Variants in KIAA0513 observed in about 807,000 individuals in gnomAD.
KIAA0513 encodes the protein uncharacterized protein KIAA0513.
Under a neutral mutation model 56.5 loss-of-function variants are expected in KIAA0513, and 39 were observed. The ratio of observed to expected loss-of-function variants is 0.69; its 90% CI spans 0.53 to 0.90. The LOEUF (loss-of-function observed/expected upper bound fraction) is 0.90, where lower values mean the gene tolerates loss of function less well. KIAA0513 is among the 40% of genes least tolerant of loss of function. The pLI, the probability that KIAA0513 is intolerant of heterozygous loss-of-function variation, is 0.00. For synonymous variants in KIAA0513, 268 were observed against 215.6 expected, an observed-to-expected ratio of 1.24 and a Z score of -2.13; for missense variants, 591 against 535.2, an observed-to-expected ratio of 1.10 and a Z score of -1.03.
At chr16:85,087,869 C>T (rs6564100) in intron 12 of KIAA0513, among the ~76,000 whole-genome samples, 4 of 152,126 alleles carry the variant, frequency 2.6e-5, no homozygotes, top group Non-Finnish European at 5.9e-5. Flanking sequence ...GAATGTTGCT[C>T]GCAGCCCCAC....
chr16:85,075,440 G>C (rs576400301), intron 4 of KIAA0513, among the ~76,000 whole-genome samples: 17 of 152,300 alleles, frequency 1.1e-4, no homozygotes, highest in East Asian at 5.8e-4. Flanking sequence ...TGAGAGCCAG[G>C]GATGCGGGGA....
intron 1 of KIAA0513, among the ~76,000 whole-genome samples, chr16:85,029,890 T>C (rs1309584261): frequency 6.6e-6 from 1 of 152,234 alleles, no homozygotes; most frequent in East Asian, 1.9e-4. Flanking sequence ...ATCGTTCCCA[T>C]GTCATAGATG....
intron 3 of KIAA0513, among the ~76,000 whole-genome samples, chr16:85,072,565 G>A (rs1011813826): frequency 3.3e-5 from 5 of 151,922 alleles, no homozygotes; most frequent in African/African-American, 7.3e-5. Context: ...GTTAGAAAAT[G>A]CAGATGAGCA....
chr16:85,074,597 G>C (rs373211549), intron 4 of KIAA0513, among the ~76,000 whole-genome samples: 1 of 152,096 alleles, frequency 6.6e-6, no homozygotes, highest in African/African-American at 2.4e-5. Flanking sequence ...TATTTTTCCT[G>C]CTCTTGCTCA....
intron 1 of KIAA0513, among the ~76,000 whole-genome samples, chr16:85,053,360 G>T (rs921747412): frequency 6.6e-6 from 1 of 152,212 alleles, no homozygotes; most frequent in East Asian, 1.9e-4. Flanking sequence ...GCTGCAGCCT[G>T]CCAAAATCCT....
intron 2 of KIAA0513, among the ~76,000 whole-genome samples, chr16:85,069,094 A>G (rs922772504): frequency 1.3e-5 from 2 of 152,016 alleles, no homozygotes; most frequent in African/African-American, 4.8e-5. Context: ...GCAGCGACAC[A>G]ATCACAGCTC....
intron 1 of KIAA0513, among the ~76,000 whole-genome samples, chr16:85,058,977 A>T (rs1362390833): frequency 6.6e-6 from 1 of 152,210 alleles, no homozygotes; most frequent in African/African-American, 2.4e-5. Context: ...ACCGTCTCGT[A>T]GTTGCTCTAG....
At chr16:85,029,984 G>A (rs1246203824) in intron 1 of KIAA0513, among the ~76,000 whole-genome samples, 2 of 152,156 alleles carry the variant, frequency 1.3e-5, no homozygotes, top group Non-Finnish European at 2.9e-5. Context: ...GTCTGACGCT[G>A]GATATAGCAG....
At position 85,043,338 on chromosome 16, in the gene KIAA0513, C is replaced by T. The variant is rs969176882; in HGVS notation, c.-173+15480C>T. Among the ~76,000 whole-genome samples the T allele has an allele frequency of 1.3e-4, 20 of 152,014 alleles. 1 individual carries two copies. The highest frequency in any genetic ancestry group is 2.9e-4 in the African/African-American group (12 of 41,466). ...TCCAGCCTCCGTCTATGGTGCACAC[C>T]GATGAGGCGTCCTTCTCAAACAGGG... On this transcript the variant is annotated intron_variant, in intron 1 of 12. Transcript: ENST00000683363.
intron 1 of KIAA0513, among the ~76,000 whole-genome samples, chr16:85,054,421 C>CTTTTTTTTTTTTTTTTTTT (rs398042273): frequency 7.0e-4 from 84 of 119,536 alleles, no homozygotes; most frequent in Non-Finnish European, 8.3e-4. Flanking sequence ...TTTTTCTTTT[C>CTTTTTTTTTTTTTTTTTTT]TTTTTTTTTT....
intron 1 of KIAA0513, among the ~76,000 whole-genome samples, chr16:85,049,025 C>T (rs1045934084): frequency 5.9e-5 from 9 of 152,188 alleles, no homozygotes; most frequent in Non-Finnish European, 1.3e-4. Flanking sequence ...GAAGTTCTTT[C>T]TTGAAGACAC....
intron 1 of KIAA0513, among the ~76,000 whole-genome samples, chr16:85,029,026 C>G (rs1412952083): frequency 6.6e-6 from 1 of 152,214 alleles, no homozygotes; most frequent in Non-Finnish European, 1.5e-5. Context: ...GGTAATATTG[C>G]ATGTGAGCGT....
At chr16:85,050,296 G>A (rs1239654148) in intron 1 of KIAA0513, among the ~76,000 whole-genome samples, 3 of 151,678 alleles carry the variant, frequency 2.0e-5, no homozygotes, top group African/African-American at 7.3e-5. Context: ...AAATTTCAAA[G>A]ACTCCTACTC....
intron 1 of KIAA0513, among the ~76,000 whole-genome samples, chr16:85,038,147 A>G (rs996138135): frequency 6.6e-5 from 10 of 152,080 alleles, no homozygotes; most frequent in African/African-American, 2.2e-4. Context: ...ACCTCTGTGC[A>G]CCCCACTGGG....
At chr16:85,062,419 C>G (rs1461389040) in intron 1 of KIAA0513, among the ~76,000 whole-genome samples, 1 of 152,198 alleles carries the variant, frequency 6.6e-6, no homozygotes, top group Admixed American at 6.5e-5. Flanking sequence ...ATCATGGGGC[C>G]TACGATGCGA....
At chr16:85,029,665 A>G (rs1347637774) in intron 1 of KIAA0513, among the ~76,000 whole-genome samples, 1 of 152,212 alleles carries the variant, frequency 6.6e-6, no homozygotes, top group African/African-American at 2.4e-5. Context: ...TCATAAAGCA[A>G]AAGTAATCAG....
At position 85,092,558 on chromosome 16, in the gene KIAA0513, ATTCTCACTCAAGGTCG is replaced by A. The variant is rs2073880302; in HGVS notation, c.*4243_*4258del. 1.3e-5 allele frequency: 2 copies of A among 152,122 alleles called. No individual in the cohort carries two copies. The highest frequency in any genetic ancestry group is 2.9e-5 in the Non-Finnish European group (2 of 68,034). The allele number at this position is 152,122 out of a possible 1,614,324, so 9.4% of individuals were successfully genotyped here. On this transcript the variant is annotated 3_prime_UTR_variant, in exon 13 of 13. Coordinates refer to ENST00000683363, the MANE Select transcript of KIAA0513 (RefSeq NM_001388359.1). ...CGCAGCCACAAGGCGAAACGGCCAG[ATTCTCACTCAAGGTCG>A]TTCTCACTCCTTTTCCTGTCCCGTT...
chr16:85,082,621 A>G lies in KIAA0513; in HGVS notation c.1010+28A>G, dbSNP rs764826193. 9.9e-6 allele frequency: 16 copies of G among 1,613,184 alleles called. 1 individual carries two copies. The highest frequency in any genetic ancestry group is 9.3e-5 in the African/African-American group (7 of 74,880). ...GTGTGTGTCCACGTGACTTTGTTCC[A>G]TTTTACAGTGCGGGCTCCTGCGAAG... On this transcript the variant is annotated intron_variant, in intron 10 of 12. Coordinates refer to ENST00000683363, the MANE Select transcript of KIAA0513 (RefSeq NM_001388359.1).
intron 1 of KIAA0513, among the ~76,000 whole-genome samples, chr16:85,056,615 A>G (rs1162671548): frequency 6.6e-6 from 1 of 152,030 alleles, no homozygotes; most frequent in African/African-American, 2.4e-5. Flanking sequence ...GTGCTCTTGC[A>G]TTCCTCCGGG....
Sources: gnomAD v4.1 joint callset for allele counts (sites outside exome capture counted in the v4.1 genomes callset) on GRCh38, gnomAD v4.1.1 for gene constraint, MANE v1.5 for transcripts, NCBI Gene and HGNC (gene_info 2026-07-23, HGNC 2026-07-21) for gene names.